Variants in GALNTL6 observed in about 807,000 individuals in gnomAD.
The protein encoded by GALNTL6 is polypeptide N-acetylgalactosaminyltransferase-like 6.
GALNTL6 carries 46 observed loss-of-function variants against 73.7 expected under a neutral mutation model. The observed-to-expected ratio is 0.62, with a 90% CI of 0.49 to 0.80. The LOEUF is 0.80. GALNTL6 is among the 30% of genes least tolerant of loss of function. The pLI is 0.00. For missense variants in GALNTL6, 604 were observed against 755.0 expected, an observed-to-expected ratio of 0.80 and a Z score of 2.34; for synonymous variants, 259 against 263.7, an observed-to-expected ratio of 0.98 and a Z score of 0.17.
Position 172,952,044 on chromosome 4 carries a change from A to C in GALNTL6, c.1157A>C (p.Lys386Thr), listed in dbSNP as rs780681283. 1 of 1,613,324 alleles carries C rather than the reference A, an allele frequency of 6.2e-7. No homozygotes were observed. Among genetic ancestry groups the C allele is most frequent in the African/African-American group, 1.3e-5 (1 of 74,948 alleles). The change falls in exon 10 of 13, where the codon AAG becomes ACG. Residue 386 changes from lysine to threonine, a missense_variant. This residue lies in a region of GALNTL6 where 261 missense variants were observed against 296.5 expected (regional missense o/e 0.88). Coordinates refer to ENST00000506823, the MANE Select transcript of GALNTL6 (RefSeq NM_001034845.3). Reference sequence around the variant, plus strand: ...TGTTTTCCTGCTGCACAGAACCTGAAGCGGGTAGCTGAGACCTGGATGGAT... The same window carrying C: ...TGTTTTCCTGCTGCACAGAACCTGACGCGGGTAGCTGAGACCTGGATGGAT... ...PSGTSLARNL[K>T]RVAETWMDEF...
chr4:172,287,974 T>G (rs1739322097), intron 3 of GALNTL6, among the ~76,000 whole-genome samples: 1 of 152,126 alleles, frequency 6.6e-6, no homozygotes, highest in African/African-American at 2.4e-5. Flanking sequence ...TGAAAGTGAA[T>G]ATGGATTTTG....
intron 2 of GALNTL6, among the ~76,000 whole-genome samples, chr4:172,131,038 T>G (rs1040402463): frequency 1.7e-4 from 26 of 152,076 alleles, no homozygotes; most frequent in Non-Finnish European, 3.4e-4. Context: ...TAAACTTTTT[T>G]ATTTGTTATA....
intron 6 of GALNTL6, among the ~76,000 whole-genome samples, chr4:172,810,990 AAAGAGT>A (rs1323214045): frequency 1.3e-5 from 2 of 150,798 alleles, no homozygotes. Flanking sequence ...ATAGAAAAAA[AAAGAGT>A]AAGAGAAACC....
chr4:172,353,799 A>G (rs1445383425), intron 5 of GALNTL6, among the ~76,000 whole-genome samples: 1 of 152,050 alleles, frequency 6.6e-6, no homozygotes, highest in Admixed American at 6.6e-5. Flanking sequence ...ATAATGATCC[A>G]CATTACCATT....
chr4:172,131,296 A>G (rs1055679767), intron 2 of GALNTL6, among the ~76,000 whole-genome samples: 16 of 150,932 alleles, frequency 1.1e-4, no homozygotes, highest in African/African-American at 3.9e-4. Flanking sequence ...GATTAATTCA[A>G]CTGACTGAAA....
At chr4:172,069,585 A>ATAACACATGTGT (rs1731485395) in intron 2 of GALNTL6, among the ~76,000 whole-genome samples, 2 of 23,416 alleles carry the variant, frequency 8.5e-5, no homozygotes, top group Admixed American at 9.1e-4. Flanking sequence ...GTTATATATT[A>ATAACACATGTGT]TATATATAAC....
At chr4:172,177,400 A>C (rs1579217320) in intron 2 of GALNTL6, among the ~76,000 whole-genome samples, 1 of 152,160 alleles carries the variant, frequency 6.6e-6, no homozygotes, top group Non-Finnish European at 1.5e-5. Context: ...TCCAGATAGA[A>C]GAAATGATTT....
chr4:172,938,070 C>T (rs1187699658), intron 9 of GALNTL6, among the ~76,000 whole-genome samples: 1 of 152,108 alleles, frequency 6.6e-6, no homozygotes, highest in Non-Finnish European at 1.5e-5. Context: ...TTGACAATTT[C>T]CTATGGTTAT....
At position 172,248,812 on chromosome 4, in the gene GALNTL6, A is replaced by G. The variant is rs563785658; in HGVS notation, c.247+19048A>G. Among the ~76,000 whole-genome samples the G allele has an allele frequency of 7.9e-5, 12 of 152,212 alleles. No homozygotes were observed. In the East Asian group the frequency reaches 2.3e-3, roughly 29 times the overall value. On this transcript the variant is annotated intron_variant, in intron 3 of 12. Coordinates refer to ENST00000506823, the MANE Select transcript of GALNTL6 (RefSeq NM_001034845.3). ...GGTTCTCATTCTTCTCTTTCCTGCCACTATGTGAAGAAGGATGTGTTTGCT... is the reference window on the plus strand; with the variant it reads ...GGTTCTCATTCTTCTCTTTCCTGCCGCTATGTGAAGAAGGATGTGTTTGCT...
Position 172,533,367 on chromosome 4 carries a change from C to T in GALNTL6, c.553+184678C>T, listed in dbSNP as rs188982785. 4.4e-5 allele frequency among the ~76,000 whole-genome samples: 6 copies of T among 136,406 alleles called. No homozygotes were observed. In the East Asian group the frequency reaches 1.1e-3, roughly 25 times the overall value. 89.5% of individuals were successfully genotyped at this position (136,406 alleles called of 152,430 possible). On this transcript the variant is annotated intron_variant, in intron 5 of 12. Coordinates refer to ENST00000506823, the MANE Select transcript of GALNTL6 (RefSeq NM_001034845.3). Reference sequence around the variant, plus strand: ...TGAGATGGAGTCTCGCTCTGTCGCCCAGGCTGGAGTGCAGTGGTGTGATCT... The same window carrying T: ...TGAGATGGAGTCTCGCTCTGTCGCCTAGGCTGGAGTGCAGTGGTGTGATCT...
chr4:171,923,398 GTT>G (rs565298275), intron 2 of GALNTL6, among the ~76,000 whole-genome samples: 3 of 124,312 alleles, frequency 2.4e-5, no homozygotes, highest in Non-Finnish European at 3.3e-5. Flanking sequence ...CCCTGACTTT[GTT>G]TTTTTTTTTT....
intron 2 of GALNTL6, among the ~76,000 whole-genome samples, chr4:171,938,023 G>T (rs953044389): frequency 2.0e-5 from 3 of 152,004 alleles, no homozygotes; most frequent in African/African-American, 7.2e-5. Context: ...TATAAACCTA[G>T]TTATTTCCAT....
chr4:172,869,932 C>CTGTG (rs1744837849), intron 7 of GALNTL6, among the ~76,000 whole-genome samples: 1 of 152,162 alleles, frequency 6.6e-6, no homozygotes, highest in Non-Finnish European at 1.5e-5. Flanking sequence ...ACATAGCCCA[C>CTGTG]TCATGACACA....
chr4:172,010,148 A>G (rs1342689284), intron 2 of GALNTL6, among the ~76,000 whole-genome samples: 1 of 152,122 alleles, frequency 6.6e-6, no homozygotes, highest in Non-Finnish European at 1.5e-5. Context: ...TTGCCTAGGA[A>G]GAGAGCAGTG....
At chr4:171,927,758 C>T (rs989328109) in intron 2 of GALNTL6, among the ~76,000 whole-genome samples, 2 of 152,168 alleles carry the variant, frequency 1.3e-5, no homozygotes, top group Non-Finnish European at 2.9e-5. Context: ...CACCCAGCAT[C>T]TCCAACTGAT....
chr4:172,405,889 G>A (rs931927), intron 5 of GALNTL6, among the ~76,000 whole-genome samples: 2,516 of 151,934 alleles, frequency 0.017, 63 homozygotes, highest in African/African-American at 0.057. Flanking sequence ...GGGCATTCAC[G>A]GAAGAGCCCT....
rs565235250 is a variant in GALNTL6 at position 172,984,174 on chromosome 4, G to A, written c.1372-25004G>A. On this transcript the variant is annotated intron_variant, in intron 10 of 12. Coordinates refer to ENST00000506823, the MANE Select transcript of GALNTL6 (RefSeq NM_001034845.3). ...TCTGTATATGCGTATGTATTCGTCC[G>A]TTCTCAGATTGCTAATACAGACATA... Among the ~76,000 whole-genome samples the A allele has an allele frequency of 2.7e-4, 41 of 152,146 alleles. No homozygotes were observed. In the East Asian group the frequency reaches 2.7e-3, roughly 10 times the overall value.
chr4:172,699,065 C>T (rs1733861113), intron 5 of GALNTL6, among the ~76,000 whole-genome samples: 1 of 152,084 alleles, frequency 6.6e-6, no homozygotes, highest in Non-Finnish European at 1.5e-5. Context: ...CTTTCTGGTT[C>T]ATAGAAAGAG....
chr4:172,791,994 G>C (rs1266906463), intron 5 of GALNTL6, among the ~76,000 whole-genome samples: 1 of 152,154 alleles, frequency 6.6e-6, no homozygotes, highest in Non-Finnish European at 1.5e-5. Context: ...ATTAGTCTAA[G>C]GATCTCACTG....
Sources: allele counts gnomAD v4.1 joint callset (sites outside exome capture counted in the v4.1 genomes callset), GRCh38; gene constraint gnomAD v4.1.1; regional missense constraint gnomAD v4.1.1; transcripts MANE v1.5; gene names NCBI Gene and HGNC (gene_info 2026-07-23, HGNC 2026-07-21).